Variants in CEP70 observed in about 807,000 individuals in gnomAD.
CEP70 encodes centrosomal protein of 70 kDa.
CEP70 carries 70 observed loss-of-function variants against 90.9 expected under a neutral mutation model. The observed-to-expected ratio is 0.77, with a 90% CI of 0.64 to 0.94. The LOEUF is 0.94. Ranked by LOEUF, CEP70 falls within the 40% of genes least tolerant of loss-of-function variation. The probability of loss-of-function intolerance (pLI) is 0.00; values close to 1 mark genes in which losing one functional copy is unlikely to be tolerated. For synonymous variants in CEP70, 220 were observed against 228.3 expected, an observed-to-expected ratio of 0.96 and a Z score of 0.33; for missense variants, 648 against 669.0, an observed-to-expected ratio of 0.97 and a Z score of 0.35.
intron 11 of CEP70, among the ~76,000 whole-genome samples, chr3:138,518,789 A>T (rs1576604941): frequency 6.6e-6 from 1 of 152,324 alleles, no homozygotes; most frequent in East Asian, 1.9e-4. Context: ...CCTCCTCCAA[A>T]GCAATGCAGC....
chr3:138,589,608 A>C (rs1310665673), intron 2 of CEP70, among the ~76,000 whole-genome samples: 1 of 152,168 alleles, frequency 6.6e-6, no homozygotes, highest in Non-Finnish European at 1.5e-5. Context: ...CAGTGAGCCA[A>C]GATCATACCA....
At chr3:138,508,603 A>G in intron 11 of CEP70, 59 bp from the exon 12 acceptor site, 6 of 1,055,114 alleles carry the variant, frequency 5.7e-6, no homozygotes, top group Non-Finnish European at 5.9e-6. Context: ...CTGGACCAAG[A>G]TGATAAACTA....
chr3:138,590,215 G>A (rs113678387), intron 2 of CEP70, among the ~76,000 whole-genome samples: 63 of 152,162 alleles, frequency 4.1e-4, no homozygotes, highest in African/African-American at 1.5e-3. Flanking sequence ...ACAGAATAAT[G>A]AGTAAATATG....
At chr3:138,548,093 C>T (rs1233849375) in intron 6 of CEP70, among the ~76,000 whole-genome samples, 2 of 152,094 alleles carry the variant, frequency 1.3e-5, no homozygotes, top group Non-Finnish European at 2.9e-5. Context: ...AGACGAATAT[C>T]TATTATGAAT....
At chr3:138,519,028 G>A (rs1235899336) in intron 11 of CEP70, among the ~76,000 whole-genome samples, 3 of 152,190 alleles carry the variant, frequency 2.0e-5, no homozygotes, top group Admixed American at 6.5e-5. Context: ...ACAACTACAT[G>A]ACGAATGCAC....
chr3:138,541,743 T>C (rs939976016), intron 6 of CEP70, among the ~76,000 whole-genome samples: 1 of 152,234 alleles, frequency 6.6e-6, no homozygotes, highest in Non-Finnish European at 1.5e-5. Flanking sequence ...AACAGTAGGC[T>C]AGGCACAGTG....
At chr3:138,566,943 T>C (rs1218678346) in intron 6 of CEP70, among the ~76,000 whole-genome samples, 1 of 152,180 alleles carries the variant, frequency 6.6e-6, no homozygotes, top group Non-Finnish European at 1.5e-5. Context: ...AAGAGCTTTC[T>C]TTGTAATAGC....
intron 17 of CEP70, chr3:138,495,783 C>T (rs2033915772): frequency 1.6e-6 from 1 of 638,906 alleles, no homozygotes; most frequent in Non-Finnish European, 1.9e-6. Flanking sequence ...ACCCCAGAGG[C>T]AGAGGTTGCA....
intron 6 of CEP70, among the ~76,000 whole-genome samples, chr3:138,548,535 G>T (rs538726407): frequency 2.0e-5 from 3 of 152,166 alleles, no homozygotes; most frequent in Non-Finnish European, 2.9e-5. Flanking sequence ...TTACTCTTTG[G>T]AATAAGATGC....
intron 1 of CEP70, chr3:138,593,842 A>C (rs190677584): frequency 6.6e-6 from 1 of 152,256 alleles, no homozygotes; most frequent in African/African-American, 2.4e-5. Context: ...CTACAGCTTA[A>C]ATCGAGTCTG....
At chr3:138,521,728 G>A (rs371844174) in intron 11 of CEP70, among the ~76,000 whole-genome samples, 6 of 150,694 alleles carry the variant, frequency 4.0e-5, no homozygotes, top group East Asian at 2.0e-4. Flanking sequence ...CTGCCCCGCC[G>A]CCATGTCTGG....
chr3:138,530,607 T>C (rs1372069504), intron 8 of CEP70: 1 of 985,412 alleles, frequency 1.0e-6, no homozygotes. Flanking sequence ...CCCACCTGTC[T>C]TCTTCCTTTG....
rs557232908 is a variant in CEP70 at position 138,554,175 on chromosome 3, T to A, written c.465+16143A>T. Among the ~76,000 whole-genome samples, 30 of 149,818 alleles carry A rather than the reference T, an allele frequency of 2.0e-4. No homozygotes were observed. In the East Asian group the frequency reaches 2.2e-3, roughly 11 times the overall value. On this transcript the variant is annotated intron_variant, in intron 6 of 17. Transcript: ENST00000264982. ...AAGATCATGCCACCGCACTCTAGCC[T>A]GGACAACAGAGTGAGACTCCATATG...
At chr3:138,566,891 T>G (rs1162692775) in intron 6 of CEP70, among the ~76,000 whole-genome samples, 1 of 152,014 alleles carries the variant, frequency 6.6e-6, no homozygotes, top group Non-Finnish European at 1.5e-5. Flanking sequence ...CCAAGAAAAC[T>G]GAAAGCATAT....
At chr3:138,519,761 G>C (rs1281227855) in intron 11 of CEP70, among the ~76,000 whole-genome samples, 5 of 152,192 alleles carry the variant, frequency 3.3e-5, no homozygotes, top group Non-Finnish European at 7.3e-5. Flanking sequence ...AGGCTAGGAA[G>C]AAACTGCATC....
chr3:138,555,924 A>C (rs2039972444), intron 6 of CEP70, among the ~76,000 whole-genome samples: 1 of 152,386 alleles, frequency 6.6e-6, no homozygotes, highest in Middle Eastern at 3.4e-3. Context: ...GTATCTACCC[A>C]GAGGAAAAGA....
At position 138,528,629 on chromosome 3, in the gene CEP70, C is replaced by T. The variant is rs535542067; in HGVS notation, c.869+570G>A. Among the ~76,000 whole-genome samples the T allele has an allele frequency of 2.6e-5, 4 of 152,212 alleles. No individual in the cohort carries two copies. In the East Asian group the frequency reaches 7.7e-4, roughly 29 times the overall value. ...AATTCCAGTACTTTGGGAATTCTGG[C>T]ACTGGGCCTAGGAGTTCAAGACCAG... On this transcript the variant is annotated intron_variant, in intron 10 of 17. Transcript: ENST00000264982.
At chr3:138,537,094 C>A in intron 7 of CEP70, 84 bp downstream of exon 7, 1 of 950,878 alleles carries the variant, frequency 1.1e-6, no homozygotes, top group Non-Finnish European at 1.5e-6. Flanking sequence ...GAGTTATAAC[C>A]ACCCCCAAGA....
rs1343883709 is a variant in CEP70, at chr3:138,570,431, T to C, written c.352A>G (p.Ile118Val). Residue 118 changes from isoleucine (I) to valine (V), a missense_variant, in exon 6 of 18, where the codon ATT becomes GTT. Ile to Val is a conservative substitution (Grantham distance 29). Transcript: ENST00000264982. ...ATTTTGGATTTCACACTTTCCATAATTTGTTCCAAGTCATTAGCTCGTTGT... is the reference window on the plus strand; with the variant it reads ...ATTTTGGATTTCACACTTTCCATAACTTGTTCCAAGTCATTAGCTCGTTGT... ...QEQRANDLEQ[I>V]MESVKSKIGE... 2 of 1,610,718 alleles carry C rather than the reference T, an allele frequency of 1.2e-6. No homozygotes were observed. Among genetic ancestry groups the C allele is most frequent in the Non-Finnish European group, 1.7e-6 (2 of 1,178,968 alleles).
Sources: allele counts gnomAD v4.1 joint callset (sites outside exome capture counted in the v4.1 genomes callset), GRCh38; gene constraint gnomAD v4.1.1; transcripts MANE v1.5; gene names NCBI Gene and HGNC (gene_info 2026-07-23, HGNC 2026-07-21).